The following EFNA5 variants were observed in gnomAD, a reference collection of about 807,000 sequenced individuals.
The protein encoded by EFNA5 is ephrin-A5.
In EFNA5, 5 loss-of-function variants were observed where a neutral mutation model predicts 22.9. That is an observed-to-expected ratio of 0.22 (90% CI 0.11 to 0.46). The LOEUF is 0.46. Ranked by LOEUF, EFNA5 falls within the 20% of genes least tolerant of loss-of-function variation. The pLI, the probability that EFNA5 is intolerant of heterozygous loss-of-function variation, is 0.99. For missense variants in EFNA5, 237 were observed against 293.3 expected, an observed-to-expected ratio of 0.81 and a Z score of 1.40; for synonymous variants, 113 against 112.2, an observed-to-expected ratio of 1.01 and a Z score of -0.04.
intron 1 of EFNA5, among the ~76,000 whole-genome samples, chr5:107,597,339 C>A (rs1749493409): frequency 6.6e-6 from 1 of 152,086 alleles, no homozygotes; most frequent in South Asian, 2.1e-4. Flanking sequence ...CATCAGACAA[C>A]CTAACAAATT....
chr5:107,593,131 CCT>C (rs1478633333), intron 1 of EFNA5, among the ~76,000 whole-genome samples: 1 of 152,164 alleles, frequency 6.6e-6, no homozygotes, highest in East Asian at 1.9e-4. Flanking sequence ...TACATCAGCA[CCT>C]GTTTTGAAAC....
At chr5:107,514,738 A>C (rs1056730930) in intron 1 of EFNA5, among the ~76,000 whole-genome samples, 3 of 152,176 alleles carry the variant, frequency 2.0e-5, no homozygotes, top group African/African-American at 7.2e-5. Flanking sequence ...CATTCAGAGT[A>C]AAAGCCCAAG....
Position 107,591,926 on chromosome 5 carries a change from A to AATATATATT in EFNA5, c.125+78562_125+78563insAATATATAT, listed in dbSNP as rs1561442962. 3.8e-4 allele frequency among the ~76,000 whole-genome samples: 3 copies of AATATATATT among 7,946 alleles called. 1 individual carries two copies. The highest frequency in any genetic ancestry group is 5.5e-4 in the Non-Finnish European group (3 of 5,446). 5.2% of individuals were successfully genotyped at this position (7,946 alleles called of 152,430 possible). On this transcript the variant is annotated intron_variant, in intron 1 of 4. Transcript: ENST00000333274. ...TATATAATATAAAAAATATATATAT[A>AATATATATT]ATATATAATATATATATTATATATA...
At chr5:107,627,665 A>AGTAT in intron 1 of EFNA5, among the ~76,000 whole-genome samples, 1 of 150,636 alleles carries the variant, frequency 6.6e-6, no homozygotes, top group South Asian at 2.1e-4. Context: ...AAGGAAAAGG[A>AGTAT]GTATTAAGCC....
At chr5:107,421,796 CTT>C (rs35309302) in intron 2 of EFNA5, among the ~76,000 whole-genome samples, 2 of 144,058 alleles carry the variant, frequency 1.4e-5, no homozygotes, top group Non-Finnish European at 1.5e-5. Context: ...TTCTTTCTTT[CTT>C]TTTTTTTTTT....
intron 1 of EFNA5, among the ~76,000 whole-genome samples, chr5:107,546,558 G>T (rs77951069): frequency 0.013 from 1,963 of 151,976 alleles, 40 homozygotes; most frequent in African/African-American, 0.044. Context: ...GTATTACAAG[G>T]GCTCAATGGC....
At chr5:107,427,628 C>G (rs1048859529) in intron 1 of EFNA5, 119 bp from the exon 2 acceptor site, 2 of 858,918 alleles carry the variant, frequency 2.3e-6, no homozygotes, top group Admixed American at 3.3e-5. Context: ...TAAGTTCTTA[C>G]TGAATGCCAT....
intron 1 of EFNA5, among the ~76,000 whole-genome samples, chr5:107,448,991 T>A (rs1749475517): frequency 6.6e-6 from 1 of 152,038 alleles, no homozygotes; most frequent in Non-Finnish European, 1.5e-5. Flanking sequence ...GAAAGAGTAG[T>A]GCATGTGAGG....
intron 2 of EFNA5, among the ~76,000 whole-genome samples, chr5:107,422,642 T>C (rs1036823585): frequency 6.6e-6 from 1 of 152,072 alleles, no homozygotes; most frequent in Non-Finnish European, 1.5e-5. Context: ...GGCAGCTGAG[T>C]AGCCAGAATC....
intron 2 of EFNA5, among the ~76,000 whole-genome samples, chr5:107,410,044 T>G (rs866874161): frequency 0.015 from 1,380 of 92,604 alleles, 12 homozygotes; most frequent in Admixed American, 0.021. Context: ...TTTTTTTTTT[T>G]TTGAGACGAA....
intron 1 of EFNA5, among the ~76,000 whole-genome samples, chr5:107,517,323 G>A (rs1053989768): frequency 2.0e-5 from 3 of 152,152 alleles, no homozygotes; most frequent in South Asian, 4.1e-4. Flanking sequence ...GGTGACTCAG[G>A]AGAGGGTTAC....
chr5:107,547,838 TTAAC>T (rs1270214959), intron 1 of EFNA5, among the ~76,000 whole-genome samples: 4 of 152,192 alleles, frequency 2.6e-5, no homozygotes, highest in Non-Finnish European at 2.9e-5. Context: ...GTAAAATAGC[TTAAC>T]TAAAAATCTG....
In EFNA5 at chr5:107,503,261, A is replaced by G. The variant is rs567167827; in HGVS notation, c.126-75752T>C. Among the ~76,000 whole-genome samples, 6 of 152,322 alleles carry G rather than the reference A, an allele frequency of 3.9e-5. No individual in the cohort carries two copies. In the South Asian group the frequency reaches 1.2e-3, roughly 32 times the overall value. On this transcript the variant is annotated intron_variant, in intron 1 of 4. Transcript: ENST00000333274. ...TAATGAAGTCATCTGCCTTCGGTGC[A>G]CAGTGAACAAAATACTACCTGATGT...
chr5:107,424,872 A>C (rs1343413346), intron 2 of EFNA5, among the ~76,000 whole-genome samples: 1 of 152,198 alleles, frequency 6.6e-6, no homozygotes, highest in Non-Finnish European at 1.5e-5. Context: ...TCATTACTAA[A>C]AAGACAGGGA....
chr5:107,611,174 A>G, intron 1 of EFNA5, among the ~76,000 whole-genome samples: 1 of 152,194 alleles, frequency 6.6e-6, no homozygotes, highest in East Asian at 1.9e-4. Flanking sequence ...CACCACGCAT[A>G]TGAAGCCAGA....
chr5:107,600,203 A>G (rs1169702483), intron 1 of EFNA5, among the ~76,000 whole-genome samples: 1 of 152,226 alleles, frequency 6.6e-6, no homozygotes, highest in Non-Finnish European at 1.5e-5. Context: ...ATGCCAAGTT[A>G]ACAAGAGATG....
chr5:107,399,286 C>A (rs1748016044), intron 2 of EFNA5, among the ~76,000 whole-genome samples: 1 of 134,338 alleles, frequency 7.4e-6, no homozygotes. Flanking sequence ...AACCCCATCT[C>A]TACTAAAGAA....
chr5:107,481,443 T>C (rs1010234495), intron 1 of EFNA5, among the ~76,000 whole-genome samples: 1 of 152,218 alleles, frequency 6.6e-6, no homozygotes, highest in Admixed American at 6.5e-5. Flanking sequence ...TTTTGATACA[T>C]AGTTCTCTGA....
chr5:107,492,720 C>T (rs916366601), intron 1 of EFNA5, among the ~76,000 whole-genome samples: 10 of 152,114 alleles, frequency 6.6e-5, no homozygotes, highest in African/African-American at 2.4e-4. Context: ...CATCCTTGGC[C>T]GAGCACGGTG....
Sources: gnomAD v4.1 joint callset for allele counts (sites outside exome capture counted in the v4.1 genomes callset) on GRCh38, gnomAD v4.1.1 for gene constraint, MANE v1.5 for transcripts, NCBI Gene and HGNC (gene_info 2026-07-23, HGNC 2026-07-21) for gene names.